The following AMMECR1 variants were observed in gnomAD, a reference collection of about 807,000 sequenced individuals.
The protein encoded by AMMECR1 is AMMECR nuclear protein 1.
A neutral mutation model predicts 22.5 loss-of-function variants in AMMECR1; 3 were observed. That is an observed-to-expected ratio of 0.13 (90% confidence interval 0.06 to 0.35). The LOEUF (loss-of-function observed/expected upper bound fraction) is 0.35, where lower values mean the gene tolerates loss of function less well. Among genes scored for constraint, AMMECR1 ranks in the 10% least tolerant of loss-of-function variants. The probability of loss-of-function intolerance (pLI) is 1.00; values close to 1 mark genes in which losing one functional copy is unlikely to be tolerated. For missense variants in AMMECR1, 235 were observed against 278.7 expected (o/e 0.84, Z 1.12); for synonymous variants, 130 against 116.7 (o/e 1.11, Z -0.74).
intron 2 of AMMECR1, among the ~76,000 whole-genome samples, chrX:110,368,724 C>T (rs947689330): frequency 4.5e-5 from 5 of 112,017 alleles, no homozygotes; most frequent in African/African-American, 1.6e-4. Flanking sequence ...ATATAAGCTT[C>T]AGGAAGGCAG....
At chrX:110,385,445 T>C (rs1225725241) in intron 2 of AMMECR1, among the ~76,000 whole-genome samples, 2 of 111,675 alleles carry the variant, frequency 1.8e-5, no homozygotes, top group African/African-American at 6.5e-5. Context: ...CACCACAATC[T>C]AATTTTTAGA....
At chrX:110,359,131 G>A (rs1036630442) in intron 2 of AMMECR1, among the ~76,000 whole-genome samples, 2 of 110,859 alleles carry the variant, frequency 1.8e-5, no homozygotes, top group Non-Finnish European at 3.8e-5. Flanking sequence ...CACATAGCTG[G>A]TTAAGTGCCA....
At chrX:110,390,270 T>C (rs1300083904) in intron 2 of AMMECR1, among the ~76,000 whole-genome samples, 1 of 112,266 alleles carries the variant, frequency 8.9e-6, no homozygotes, top group African/African-American at 3.2e-5. Flanking sequence ...ATCATATTTC[T>C]TTTAAACACA....
intron 1 of AMMECR1, among the ~76,000 whole-genome samples, chrX:110,267,824 G>A (rs2067777723): frequency 8.9e-6 from 1 of 112,133 alleles, no homozygotes; most frequent in Non-Finnish European, 1.9e-5. Context: ...AAAACTTAAA[G>A]TAGAAAAATA....
chrX:110,267,891 G>A (rs1354793968), intron 1 of AMMECR1, among the ~76,000 whole-genome samples: 1 of 111,606 alleles, frequency 9.0e-6, no homozygotes, highest in Non-Finnish European at 1.9e-5. Flanking sequence ...ACATAAGATG[G>A]GAGAAATTAT....
chrX:110,222,341 C>T (rs1386165451), intron 2 of AMMECR1, among the ~76,000 whole-genome samples: 1 of 91,941 alleles, frequency 1.1e-5, no homozygotes, highest in East Asian at 3.4e-4. Flanking sequence ...TAAACTATCG[C>T]AAGAACAAAA....
chrX:110,414,970 A>G (rs2068667056), intron 2 of AMMECR1, among the ~76,000 whole-genome samples: 1 of 111,625 alleles, frequency 9.0e-6, no homozygotes, highest in African/African-American at 3.3e-5. Flanking sequence ...GCATATATAT[A>G]TATATTCTCT....
chrX:110,280,060 G>A (rs1489096161), intron 1 of AMMECR1, among the ~76,000 whole-genome samples: 2 of 111,113 alleles, frequency 1.8e-5, no homozygotes, highest in Non-Finnish European at 3.8e-5. Context: ...CTATATACCA[G>A]GCCTTTTAAA....
intron 1 of AMMECR1, among the ~76,000 whole-genome samples, chrX:110,314,161 G>A (rs1345190051): frequency 2.7e-5 from 3 of 111,834 alleles, no homozygotes; most frequent in African/African-American, 9.8e-5. Context: ...ATCACCTGAG[G>A]AGCTTGTTAA....
chrX:110,226,730 C>T (rs971857195), intron 2 of AMMECR1, among the ~76,000 whole-genome samples: 1 of 112,243 alleles, frequency 8.9e-6, no homozygotes, highest in African/African-American at 3.2e-5. Flanking sequence ...AGCAAATCAA[C>T]ATAAATGTAT....
At chrX:110,429,126 A>G (rs2068776313) in intron 1 of AMMECR1, among the ~76,000 whole-genome samples, 1 of 112,227 alleles carries the variant, frequency 8.9e-6, no homozygotes, top group African/African-American at 3.2e-5. Flanking sequence ...CTACTGTTCC[A>G]GACCACAGTA....
rs1345576852 is a variant in AMMECR1 at position 110,405,096 on chromosome X, C to CG, written c.-148+21561_-148+21562insC. Among the ~76,000 whole-genome samples, 12 of 99,612 alleles carry CG rather than the reference C, an allele frequency of 1.2e-4. No individual in the cohort carries two copies. In the South Asian group the frequency reaches 3.7e-3, roughly 31 times the overall value. 86.5% of individuals were successfully genotyped at this position (99,612 alleles called of 115,157 possible). A position where few individuals can be genotyped will look rare whatever the true frequency, so the allele number is the denominator to read the frequency against. ...CAGGTGTGCTTGTTGTGTCCCCCCC[C>CG]CCCCCAAGCATGAGTCAGAGCCTTT... On this transcript the variant is annotated intron_variant, in intron 2 of 7. Transcript: ENST00000372057.
intron 2 of AMMECR1, among the ~76,000 whole-genome samples, chrX:110,350,735 G>A (rs1266020331): frequency 9.0e-6 from 1 of 110,871 alleles, no homozygotes; most frequent in African/African-American, 3.3e-5. Context: ...GGGAGGGTGA[G>A]GTGGGAGGGT....
chrX:110,217,237 G>A (rs1262207584), intron 2 of AMMECR1, among the ~76,000 whole-genome samples: 1 of 107,490 alleles, frequency 9.3e-6, no homozygotes, highest in Non-Finnish European at 1.9e-5. Context: ...GCAAATTATA[G>A]ACTAAAAATA....
At chrX:110,204,517 G>A (rs775889465) in intron 3 of AMMECR1, among the ~76,000 whole-genome samples, 1 of 111,083 alleles carries the variant, frequency 9.0e-6, no homozygotes, top group East Asian at 2.8e-4. Flanking sequence ...AGCTCCCCAG[G>A]TAATTTTTAT....
In AMMECR1 at chrX:110,318,042, C is replaced by T. The variant is rs753737878; in HGVS notation, c.30G>A (p.Lys10=). ...AGGGGGGCGAACTGGACAGTTTCTGCTTCTTCACCCCGCAGCAACCCGCCG... is the reference window on the plus strand; with the variant it reads ...AGGGGGGCGAACTGGACAGTTTCTGTTTCTTCACCCCGCAGCAACCCGCCG... MAAGCCGVK[K]QKLSSSPPSG... is the part of the protein sequence containing the mutation. The change falls in exon 1 of 6, where the codon AAG becomes AAA. Residue 10 remains lysine (K), a synonymous_variant. Transcript: ENST00000262844. 3 of 1,204,651 alleles carry T rather than the reference C, an allele frequency of 2.5e-6. No individual in the cohort carries two copies. The highest frequency in any genetic ancestry group is 3.4e-6 in the Non-Finnish European group (3 of 892,963).
chrX:110,262,583 T>C (rs917808652), intron 2 of AMMECR1, among the ~76,000 whole-genome samples: 1 of 112,316 alleles, frequency 8.9e-6, no homozygotes, highest in Non-Finnish European at 1.9e-5. Context: ...AATGGACAAG[T>C]CCAGAAAAGT....
chrX:110,387,901 G>A (rs1315834124), intron 2 of AMMECR1, among the ~76,000 whole-genome samples: 1 of 87,317 alleles, frequency 1.1e-5, no homozygotes. Context: ...TCACTCTGTC[G>A]CCCAGGCTGG....
At chrX:110,334,767 G>A (rs2068134637) in intron 2 of AMMECR1, among the ~76,000 whole-genome samples, 1 of 111,940 alleles carries the variant, frequency 8.9e-6, no homozygotes, top group South Asian at 3.7e-4. Flanking sequence ...AGGGTGTAAT[G>A]AACTGTAACA....
Sources: allele counts gnomAD v4.1 joint callset (sites outside exome capture counted in the v4.1 genomes callset), GRCh38; gene constraint gnomAD v4.1.1; transcripts MANE v1.5; gene names NCBI Gene and HGNC (gene_info 2026-07-23, HGNC 2026-07-21).